Variants in CPAMD8 observed in about 807,000 individuals in gnomAD.
CPAMD8 encodes the protein C3 and PZP-like alpha-2-macroglobulin domain-containing protein 8.
Under a neutral mutation model 224.7 loss-of-function variants are expected in CPAMD8, and 146 were observed. That is an observed-to-expected ratio of 0.65 (90% CI 0.57 to 0.75). The LOEUF is 0.75. CPAMD8 is among the 30% of genes least tolerant of loss of function. The pLI is 0.00. For missense variants in CPAMD8, 2,301 were observed against 2,537.5 expected, an observed-to-expected ratio of 0.91 and a Z score of 2.00; for synonymous variants, 966 against 1,044.6, an observed-to-expected ratio of 0.92 and a Z score of 1.45.
chr19:17,011,463 CCTT>C lies in CPAMD8; in HGVS notation c.484_486del (p.Lys162del). 6.2e-7 allele frequency: 1 copy of C among 1,614,226 alleles called. No homozygotes were observed. The highest frequency in any genetic ancestry group is 1.1e-5 in the South Asian group (1 of 91,086). On this transcript the variant is annotated inframe_deletion and splice_region_variant, in exon 5 of 42. Transcript: ENST00000443236. ...CCCGCGGTTTTAGAAGCTGATCTCA[CCTT>C]CTCGTTGACAGGCCTCAGATTTGGA... is the stretch of plus-strand genomic sequence containing the variant.
At chr19:17,001,405 C>T (rs1334682899) in intron 9 of CPAMD8, among the ~76,000 whole-genome samples, 2 of 110,788 alleles carry the variant, frequency 1.8e-5, no homozygotes, top group East Asian at 4.5e-4. Flanking sequence ...GCCAGGGAGG[C>T]CTGCAGAGGG....
intron 13 of CPAMD8, among the ~76,000 whole-genome samples, chr19:16,981,606 T>C (rs962081195): frequency 6.6e-6 from 1 of 152,190 alleles, no homozygotes; most frequent in Admixed American, 6.6e-5. Context: ...GCTGCCATTA[T>C]TCTGATATCA....
intron 18 of CPAMD8, among the ~76,000 whole-genome samples, chr19:16,966,437 G>T (rs1011132499): frequency 1.3e-5 from 2 of 152,166 alleles, no homozygotes; most frequent in African/African-American, 4.8e-5. Context: ...CATGGGCAAA[G>T]ACTTCACGAC....
At chr19:16,906,690 C>T (rs919578819) in intron 30 of CPAMD8, among the ~76,000 whole-genome samples, 14 of 151,926 alleles carry the variant, frequency 9.2e-5, no homozygotes, top group South Asian at 2.1e-4. Flanking sequence ...CGCGCCTGGT[C>T]GACTCATCAG....
At chr19:16,923,820 G>A (rs992910289) in intron 26 of CPAMD8, among the ~76,000 whole-genome samples, 1 of 152,196 alleles carries the variant, frequency 6.6e-6, no homozygotes. Flanking sequence ...GCTGGGCATG[G>A]TGGTGCACAC....
intron 27 of CPAMD8, among the ~76,000 whole-genome samples, chr19:16,917,762 A>G (rs1021834975): frequency 5.3e-5 from 8 of 152,232 alleles, no homozygotes. Flanking sequence ...GTTAAAATAA[A>G]TAATAAAAAG....
At chr19:17,021,909 TG>T in intron 2 of CPAMD8, 120 bp downstream of exon 2, 2 of 373,612 alleles carry the variant, frequency 5.4e-6, no homozygotes, top group Non-Finnish European at 1.0e-5. Context: ...CCCATGCCCC[TG>T]GGGATTTAGG....
At chr19:16,991,010 T>G (rs181880431) in intron 12 of CPAMD8, among the ~76,000 whole-genome samples, 94 of 151,988 alleles carry the variant, frequency 6.2e-4, no homozygotes, top group African/African-American at 2.2e-3. Flanking sequence ...AGCCACAGGT[T>G]ATCAGCCCAT....
At chr19:16,960,555 T>C (rs773794469) in intron 18 of CPAMD8, among the ~76,000 whole-genome samples, 7 of 148,794 alleles carry the variant, frequency 4.7e-5, no homozygotes, top group South Asian at 2.1e-4. Context: ...GACATTATGG[T>C]ATTCTTCTAT....
At position 16,898,165 on chromosome 19, in the gene CPAMD8, G is replaced by C; in HGVS notation, c.4849-171C>G. The C allele has an allele frequency of 1.7e-6, 1 of 575,106 alleles. No homozygotes were observed. The highest frequency in any genetic ancestry group is 3.0e-6 in the Non-Finnish European group (1 of 330,686). The allele number at this position is 575,106 out of a possible 1,614,324, so 35.6% of individuals were successfully genotyped here. On this transcript the variant is annotated intron_variant, in intron 37 of 41. Coordinates refer to ENST00000443236, the MANE Select transcript of CPAMD8 (RefSeq NM_015692.5). This position sits in a 1 kb window ranked among gnomAD's most constrained non-coding sequence, Gnocchi z 4.2. Reference sequence around the variant, plus strand: ...TTTTCTTTTTTTTTTTTTTTCCTGAGACAGAGTCTCGCGCTGTTGCCCAGG... The same window carrying C: ...TTTTCTTTTTTTTTTTTTTTCCTGACACAGAGTCTCGCGCTGTTGCCCAGG...
At chr19:17,023,827 G>A (rs568560071) in intron 1 of CPAMD8, among the ~76,000 whole-genome samples, 16 of 152,036 alleles carry the variant, frequency 1.1e-4, no homozygotes, top group African/African-American at 2.9e-4. Context: ...AGTGATCTGC[G>A]CACCTTGGCC....
chr19:16,925,487 G>A, intron 25 of CPAMD8, 115 bp from the exon 26 acceptor site: 2 of 825,798 alleles, frequency 2.4e-6, no homozygotes, highest in Middle Eastern at 3.7e-4. Context: ...CCACCCAACT[G>A]CCCTTTGGGA....
intron 27 of CPAMD8, among the ~76,000 whole-genome samples, chr19:16,918,818 C>T (rs1330059565): frequency 1.4e-5 from 2 of 147,556 alleles, no homozygotes; most frequent in South Asian, 2.1e-4. Flanking sequence ...CTCACAGATA[C>T]GGAGGGCTAC....
At chr19:16,984,014 G>A (rs4808062) in intron 13 of CPAMD8, among the ~76,000 whole-genome samples, 114,788 of 152,050 alleles carry the variant, frequency 0.75, 44,372 homozygotes, top group African/African-American at 0.94. Context: ...ATAGAAACCA[G>A]TGGGATAGAA....
intron 7 of CPAMD8, among the ~76,000 whole-genome samples, chr19:17,005,253 G>A (rs1474553269): frequency 1.3e-5 from 2 of 152,122 alleles, no homozygotes; most frequent in East Asian, 3.8e-4. Flanking sequence ...ACTGAGGGGT[G>A]CTGAGCATCT....
At chr19:16,948,382 G>A (rs1482659787) in intron 20 of CPAMD8, among the ~76,000 whole-genome samples, 1 of 152,144 alleles carries the variant, frequency 6.6e-6, no homozygotes, top group Non-Finnish European at 1.5e-5. Context: ...AGCTAGATCT[G>A]AGAGCCAATG....
chr19:17,018,086 T>C (rs1220210842), intron 3 of CPAMD8, among the ~76,000 whole-genome samples: 1 of 149,682 alleles, frequency 6.7e-6, no homozygotes, highest in African/African-American at 2.5e-5. Context: ...AAATAGGCAC[T>C]AGTGGTATAC....
intron 7 of CPAMD8, 71 bp from the exon 8 acceptor site, chr19:17,004,457 C>A: frequency 3.1e-6 from 3 of 957,458 alleles, no homozygotes; most frequent in Admixed American, 1.9e-5. Context: ...AAGAGGGAGC[C>A]AGGACCCTGC....
chr19:16,946,385 GTGTATA>G (rs2054087335), intron 21 of CPAMD8, among the ~76,000 whole-genome samples: 4 of 147,140 alleles, frequency 2.7e-5, no homozygotes, highest in Non-Finnish European at 3.0e-5. Context: ...ATTTGTGTGT[GTGTATA>G]TGCATGTCTA....
Sources: allele counts gnomAD v4.1 joint callset (sites outside exome capture counted in the v4.1 genomes callset), GRCh38; gene constraint gnomAD v4.1.1; non-coding constraint Gnocchi (gnomAD v3.1); transcripts MANE v1.5; gene names NCBI Gene and HGNC (gene_info 2026-07-23, HGNC 2026-07-21).